The following PLEKHG4B variants were observed in gnomAD, a reference collection of about 807,000 sequenced individuals.
The protein encoded by PLEKHG4B is pleckstrin homology and RhoGEF domain containing G4B, also known as pleckstrin homology domain-containing family G member 4B.
Under a neutral mutation model 121.3 loss-of-function variants are expected in PLEKHG4B, and 111 were observed. The ratio of observed to expected loss-of-function variants is 0.92; its 90% confidence interval spans 0.78 to 1.07. PLEKHG4B has a LOEUF of 1.07. Ranked by LOEUF, PLEKHG4B falls within the 50% of genes least tolerant of loss-of-function variation. The pLI is 0.00. For missense variants in PLEKHG4B, 1,831 were observed against 1,757.8 expected (o/e 1.04, Z -0.74); for synonymous variants, 738 against 725.0 (o/e 1.02, Z -0.29).
intron 11 of PLEKHG4B, among the ~76,000 whole-genome samples, chr5:158,834 A>G (rs1230739537): frequency 1.3e-5 from 2 of 151,584 alleles, no homozygotes; most frequent in East Asian, 3.9e-4. Context: ...GTGGTCTCCT[A>G]TTTCCTGTAT....
At position 140,370 on chromosome 5, in the gene PLEKHG4B, C is replaced by G; in HGVS notation, c.1131C>G (p.Ala377=). The G allele has an allele frequency of 3.2e-6, 5 of 1,551,000 alleles. No individual in the cohort carries two copies. The highest frequency in any genetic ancestry group is 4.4e-6 in the Non-Finnish European group (5 of 1,148,112). Residue 377 remains alanine (A), a synonymous_variant, in exon 3 of 20, where the codon GCC becomes GCG. Transcript: ENST00000637938. ...GSSEEALGDL[A]CSSLTGASRD... is the part of the protein sequence containing the mutation. ...CTGAGGAGGCCCTCGGGGACCTGGC[C>G]TGCAGCTCCCTGACTGGAGCCAGCA...
In PLEKHG4B at chr5:184,589, G is replaced by A. The variant is rs1219151515; in HGVS notation, c.*2266G>A. The A allele has an allele frequency of 6.6e-6, 1 of 152,242 alleles. No homozygotes were observed. The highest frequency in any genetic ancestry group is 1.5e-5 in the Non-Finnish European group (1 of 68,040). The allele number at this position is 152,242 out of a possible 1,614,324, so 9.4% of individuals were successfully genotyped here. A position where few individuals can be genotyped will look rare whatever the true frequency, so the allele number is the denominator to read the frequency against. The stretch of plus-strand genomic sequence containing the variant: ...GTTAAATGATGTGCTTCAGGGAAAA[G>A]AAAAATGAAGAGCATGTGCACCATC... On this transcript the variant is annotated 3_prime_UTR_variant, in exon 20 of 20. Coordinates refer to ENST00000637938, the MANE Select transcript of PLEKHG4B (RefSeq NM_052909.5).
chr5:177,989 T>C (rs938805274), intron 18 of PLEKHG4B, among the ~76,000 whole-genome samples: 1 of 151,068 alleles, frequency 6.6e-6, no homozygotes. Flanking sequence ...GGATGCACCG[T>C]GTGCCTAGGA....
intron 1 of PLEKHG4B, among the ~76,000 whole-genome samples, chr5:103,874 TC>T (rs1401336058): frequency 3.3e-5 from 5 of 152,170 alleles, no homozygotes; most frequent in Non-Finnish European, 7.3e-5. Context: ...TTCCTTTCCT[TC>T]CCCAGCCTCT....
At position 174,066 on chromosome 5, in the gene PLEKHG4B, G is replaced by A; in HGVS notation, c.4370G>A (p.Arg1457Lys). ...VKSAWTDVIGRILWRQALKSR... is the reference protein window; with the variant it reads ...VKSAWTDVIGKILWRQALKSR... ...AGTGCATGGACCGATGTCATAGGGA[G>A]GATCCTGTGGCGGCAGGCACTAAAG... The change falls in exon 18 of 20, where the codon AGG becomes AAG. Residue 1457 changes from arginine (R) to lysine (K), a missense_variant. By Grantham distance (26) the Arg-to-Lys change is conservative. Transcript: ENST00000637938. 4 of 1,593,454 alleles carry A rather than the reference G, an allele frequency of 2.5e-6. No homozygotes were observed. Among genetic ancestry groups the A allele is most frequent in the Non-Finnish European group, 3.4e-6 (4 of 1,170,956 alleles).
In PLEKHG4B at chr5:143,359, G is replaced by A. The variant is rs772603333; in HGVS notation, c.1688-21G>A. 3 of 1,609,824 alleles carry A rather than the reference G, an allele frequency of 1.9e-6. No individual in the cohort carries two copies. In the Admixed American group the frequency reaches 5.0e-5, roughly 27 times the overall value. On this transcript the variant is annotated intron_variant, in intron 4 of 19. Coordinates refer to ENST00000637938, the MANE Select transcript of PLEKHG4B (RefSeq NM_052909.5). ...TGTAGGAGTGAAGCCCTTGGCAGCT[G>A]CCCTGTCTCTGTCTCCGCAGGGACC...
At chr5:123,812 G>A (rs2126371924) in intron 2 of PLEKHG4B, among the ~76,000 whole-genome samples, 1 of 151,990 alleles carries the variant, frequency 6.6e-6, no homozygotes, top group East Asian at 1.9e-4. Context: ...CCAATTGTTG[G>A]TTTCATCCAT....
At chr5:169,724 C>A in intron 14 of PLEKHG4B, 132 bp downstream of exon 14, 1 of 1,370,940 alleles carries the variant, frequency 7.3e-7, no homozygotes. Flanking sequence ...CTGGTCCTGA[C>A]AGGATGTTAA....
chr5:167,695 C>T (rs947070851), intron 13 of PLEKHG4B, among the ~76,000 whole-genome samples: 17 of 152,202 alleles, frequency 1.1e-4, no homozygotes, highest in African/African-American at 3.6e-4. Flanking sequence ...TGGAGAGTCC[C>T]GCCGCCCAGG....
At chr5:131,144 G>A (rs73022532) in intron 2 of PLEKHG4B, among the ~76,000 whole-genome samples, 4,391 of 145,158 alleles carry the variant, frequency 0.03, 218 homozygotes, top group African/African-American at 0.11. Context: ...AAATTCTAGG[G>A]TACATGTGCA....
chr5:135,402 C>T (rs1243799905), intron 2 of PLEKHG4B, among the ~76,000 whole-genome samples: 5 of 150,820 alleles, frequency 3.3e-5, no homozygotes, highest in Non-Finnish European at 2.9e-5. Flanking sequence ...TGTGGTGGCT[C>T]ACGCTTGCAA....
At chr5:148,354 A>T (rs549094535) in intron 6 of PLEKHG4B, among the ~76,000 whole-genome samples, 9,645 of 151,138 alleles carry the variant, frequency 0.064, 501 homozygotes, top group Non-Finnish European at 0.091. Flanking sequence ...CAAAAAAAAA[A>T]AAATAAATAA....
intron 1 of PLEKHG4B, among the ~76,000 whole-genome samples, chr5:97,270 C>T (rs1253214936): frequency 6.6e-6 from 1 of 151,978 alleles, no homozygotes; most frequent in African/African-American, 2.4e-5. Flanking sequence ...AAGTCAAAAC[C>T]CCTTACCTGT....
At chr5:133,224 T>A (rs1224487224) in intron 2 of PLEKHG4B, among the ~76,000 whole-genome samples, 1 of 152,186 alleles carries the variant, frequency 6.6e-6, no homozygotes, top group Non-Finnish European at 1.5e-5. Flanking sequence ...AGCTACTGAT[T>A]TGTGTACATT....
Position 176,186 on chromosome 5 carries a change from C to T in PLEKHG4B, c.4402+2088C>T, listed in dbSNP as rs1736755139. On this transcript the variant is annotated intron_variant, in intron 18 of 19. Coordinates refer to ENST00000637938, the MANE Select transcript of PLEKHG4B (RefSeq NM_052909.5). ...CCGTGGGCTTCACCCCTGTGCAGCC[C>T]CCAACAGCAGTTACTTGGCCAGAGG... is the stretch of plus-strand genomic sequence containing the variant. Among the ~76,000 whole-genome samples the T allele has an allele frequency of 1.7e-5, 2 of 117,836 alleles. 1 individual carries two copies. The highest frequency in any genetic ancestry group is 5.2e-5 in the African/African-American group (2 of 38,166). The allele number at this position is 117,836 out of a possible 152,430, so 77.3% of individuals were successfully genotyped here. A position where few individuals can be genotyped will look rare whatever the true frequency, so the allele number is the denominator to read the frequency against.
chr5:106,853 G>C (rs770039248), intron 1 of PLEKHG4B, among the ~76,000 whole-genome samples: 1 of 148,122 alleles, frequency 6.8e-6, no homozygotes, highest in Admixed American at 6.6e-5. Flanking sequence ...GTGTGTGCAC[G>C]TGTGTGTGGT....
At chr5:154,694 C>T (rs559295997) in intron 7 of PLEKHG4B, among the ~76,000 whole-genome samples, 181 bp from the exon 8 acceptor site, 3 of 150,524 alleles carry the variant, frequency 2.0e-5, no homozygotes, top group South Asian at 4.2e-4. Flanking sequence ...CCTTCTTTCC[C>T]GTCTTCTCGC....
chr5:95,135 CCT>C (rs1733593821), intron 1 of PLEKHG4B, among the ~76,000 whole-genome samples: 1 of 152,162 alleles, frequency 6.6e-6, no homozygotes, highest in Non-Finnish European at 1.5e-5. Context: ...CAAAATTTCC[CCT>C]GACAGAAAAT....
At chr5:107,203 C>T (rs376643062) in intron 1 of PLEKHG4B, among the ~76,000 whole-genome samples, 3 of 152,200 alleles carry the variant, frequency 2.0e-5, no homozygotes, top group Non-Finnish European at 2.9e-5. Context: ...CCTGCTGAGG[C>T]GGCCACATGT....
Sources: allele counts gnomAD v4.1 joint callset (sites outside exome capture counted in the v4.1 genomes callset), GRCh38; gene constraint gnomAD v4.1.1; transcripts MANE v1.5; gene names NCBI Gene and HGNC (gene_info 2026-07-23, HGNC 2026-07-21).